Variants in SETX observed in about 807,000 individuals in gnomAD.
The protein encoded by SETX is senataxin.
Under a neutral mutation model 227.2 loss-of-function variants are expected in SETX, and 90 were observed. That is an observed-to-expected ratio of 0.40 (90% confidence interval 0.33 to 0.47). The LOEUF (loss-of-function observed/expected upper bound fraction) is 0.47. Among genes scored for constraint, SETX ranks in the 20% least tolerant of loss-of-function variants. The pLI is 0.91. For synonymous variants in SETX, 1,210 were observed against 1,113.2 expected (o/e 1.09, Z -1.73); for missense variants, 3,052 against 3,181.5 (o/e 0.96, Z 0.98).
At chr9:132,354,495 C>CAAAAAAAA (rs11316762) in intron 1 of SETX, among the ~76,000 whole-genome samples, 1 of 85,528 alleles carries the variant, frequency 1.2e-5, no homozygotes, top group African/African-American at 4.7e-5. Flanking sequence ...GACCCCGTCT[C>CAAAAAAAA]AAAAAAAAAA....
rs111699456 is a variant in SETX at position 132,299,918 on chromosome 9, G to T, written c.5548+712C>A. On this transcript the variant is annotated intron_variant, in intron 12 of 25. Coordinates refer to ENST00000224140, the MANE Select transcript of SETX (RefSeq NM_015046.7). ...AGCACTTTGGGAGGTTGATGGGGGTGAGGAGTTCGAGACCAGCCTAGTCAA... is the reference window on the plus strand; with the variant it reads ...AGCACTTTGGGAGGTTGATGGGGGTTAGGAGTTCGAGACCAGCCTAGTCAA... Among the ~76,000 whole-genome samples, 247 of 151,970 alleles carry T rather than the reference G, an allele frequency of 1.6e-3. 1 individual carries two copies. Among genetic ancestry groups the T allele is most frequent in the African/African-American group, 5.5e-3 (229 of 41,490 alleles).
At chr9:132,282,515 C>T (rs1843601486) in intron 19 of SETX, among the ~76,000 whole-genome samples, 1 of 151,970 alleles carries the variant, frequency 6.6e-6, no homozygotes, top group African/African-American at 2.4e-5. Context: ...GTCTCAAACT[C>T]CTGGGCTCAA....
chr9:132,312,307 A>C (rs3813393), intron 10 of SETX, among the ~76,000 whole-genome samples: 8,995 of 152,196 alleles, frequency 0.059, 442 homozygotes, highest in East Asian at 0.17. Flanking sequence ...TCATCCTGCC[A>C]GTTTATAAAA....
intron 11 of SETX, among the ~76,000 whole-genome samples, chr9:132,303,617 T>C (rs1268001122): frequency 1.3e-5 from 2 of 151,816 alleles, no homozygotes; most frequent in African/African-American, 4.8e-5. Flanking sequence ...TATATAAATA[T>C]AATAAATAAC....
At chr9:132,351,801 G>A (rs1414282315) in intron 2 of SETX, among the ~76,000 whole-genome samples, 1 of 152,140 alleles carries the variant, frequency 6.6e-6, no homozygotes, top group Non-Finnish European at 1.5e-5. Context: ...GGTCTATTTT[G>A]TTAGTTTCAT....
At chr9:132,351,475 T>C (rs1848599843) in intron 2 of SETX, among the ~76,000 whole-genome samples, 1 of 152,234 alleles carries the variant, frequency 6.6e-6, no homozygotes, top group South Asian at 2.1e-4. Context: ...AACTAGCCTA[T>C]TTCCACAACC....
intron 22 of SETX, 28 bp from the exon 23 acceptor site, chr9:132,275,448 G>C (rs773454907): frequency 6.3e-7 from 1 of 1,576,396 alleles, no homozygotes; most frequent in Non-Finnish European, 8.7e-7. Context: ...AGAAAACACA[G>C]TGTTATCAAA....
Position 132,275,398 on chromosome 9 carries a change from T to C in SETX, c.6958A>G (p.Ile2320Val). ...DNDSYINVQE[I>V]KLVMEIIKLI... ...TTAATTATTTCCATCACCAGTTTTATTTCTTGAACATTTATATATGAGCTA... is the reference window on the plus strand; with the variant it reads ...TTAATTATTTCCATCACCAGTTTTACTTCTTGAACATTTATATATGAGCTA... Residue 2320 changes from isoleucine to valine, a missense_variant, in exon 23 of 26, where the codon ATA (isoleucine) becomes GTA (valine). Physicochemically the swap from Ile to Val is conservative, Grantham distance 29. This residue lies in a region of SETX where 412 missense variants were observed against 589.0 expected (regional missense o/e 0.70). Transcript: ENST00000224140. The C allele has an allele frequency of 6.2e-7, 1 of 1,603,126 alleles. No individual in the cohort carries two copies. The highest frequency in any genetic ancestry group is 8.5e-7 in the Non-Finnish European group (1 of 1,170,492).
intron 10 of SETX, among the ~76,000 whole-genome samples, chr9:132,315,785 G>C (rs1342340856): frequency 1.3e-5 from 2 of 152,074 alleles, no homozygotes; most frequent in African/African-American, 2.4e-5. Flanking sequence ...TCTCCGGTTC[G>C]TGATGCAGTG....
At chr9:132,292,249 G>A (rs1360799023) in intron 15 of SETX, among the ~76,000 whole-genome samples, 2 of 151,440 alleles carry the variant, frequency 1.3e-5, no homozygotes, top group African/African-American at 4.8e-5. Context: ...GGCAACACGA[G>A]GAGACCCTGT....
In SETX at chr9:132,339,513, T is replaced by C. The variant is rs538976957; in HGVS notation, c.499-2998A>G. Among the ~76,000 whole-genome samples the C allele has an allele frequency of 3.9e-5, 6 of 152,328 alleles. No homozygotes were observed. The South Asian group carries it at 1.2e-3, about 32-fold the overall frequency. On this transcript the variant is annotated intron_variant, in intron 5 of 25. Coordinates refer to ENST00000224140, the MANE Select transcript of SETX (RefSeq NM_015046.7). ...CTAAATGCTGTACACCTCTATTTCC[T>C]GCAAAGAGTTTGAAAACTGAACCTA...
intron 25 of SETX, among the ~76,000 whole-genome samples, chr9:132,267,044 G>C (rs375040705): frequency 6.6e-6 from 1 of 152,198 alleles, no homozygotes; most frequent in African/African-American, 2.4e-5. Flanking sequence ...AAAGTCTTAA[G>C]AGTCCTTTCA....
chr9:132,334,594 G>A lies in SETX; in HGVS notation c.838+14C>T, dbSNP rs1460512065. On this transcript the variant is annotated intron_variant, in intron 7 of 25. Transcript: ENST00000224140. The stretch of plus-strand genomic sequence containing the variant: ...CACTATATTCAACAACATTCAGCAA[G>A]TAAAGTTTATTACCATCTGCTTCCC... 6.2e-7 allele frequency: 1 copy of A among 1,613,742 alleles called. No individual in the cohort carries two copies. Among genetic ancestry groups the A allele is most frequent in the Non-Finnish European group, 8.5e-7 (1 of 1,179,772 alleles).
chr9:132,351,170 C>G (rs1361659325), intron 2 of SETX, among the ~76,000 whole-genome samples: 1 of 151,990 alleles, frequency 6.6e-6, no homozygotes, highest in East Asian at 1.9e-4. Context: ...TTCCGGTAAC[C>G]TAGTTTAATA....
rs29001665 is a variant in SETX, at chr9:132,331,293, G to A, written c.994C>T (p.Arg332Trp). Residue 332 changes from arginine to tryptophan, a missense_variant, in exon 8 of 26, where the codon CGG becomes TGG. Physicochemically the swap from Arg to Trp is moderately radical, Grantham distance 101. This residue lies in a region of SETX where 239 missense variants were observed against 240.8 expected (regional missense o/e 0.99). Transcript: ENST00000224140. ...TGAACTAACCTTACAGAGCTGTTCC[G>A]TATATGTCGGATCTCTCTATTGTAG... Reference protein sequence around the residue: ...ASYNREIRHIRNSSVRTKLEP... With the variant: ...ASYNREIRHIWNSSVRTKLEP... 6 of 1,613,894 alleles carry A rather than the reference G, an allele frequency of 3.7e-6. No homozygotes were observed. The highest frequency in any genetic ancestry group is 2.7e-5 in the African/African-American group (2 of 74,892).
At chr9:132,269,834 C>T in intron 24 of SETX, 132 bp from the exon 25 acceptor site, 1 of 882,692 alleles carries the variant, frequency 1.1e-6, no homozygotes, top group Non-Finnish European at 1.9e-6. Flanking sequence ...ACTCAGTGAG[C>T]CCGAGACACA....
In SETX at chr9:132,300,754, G is replaced by A. The variant is rs1417525079; in HGVS notation, c.5424C>T (p.Asn1808=). The change falls in exon 12 of 26, where the codon AAC becomes AAT. Residue 1808 remains asparagine, a synonymous_variant. Coordinates refer to ENST00000224140, the MANE Select transcript of SETX (RefSeq NM_015046.7). The part of the protein sequence containing the change: ...ELAKQLYPKE[N]DLVFLAPERI... ...TCTCAGGAGCTAAAAACACCAAATCGTTTTCCTTTGGATAAAGCTGTTTAG... is the reference window on the plus strand; with the variant it reads ...TCTCAGGAGCTAAAAACACCAAATCATTTTCCTTTGGATAAAGCTGTTTAG... The A allele has an allele frequency of 4.3e-6, 7 of 1,613,202 alleles. No individual in the cohort carries two copies. Among genetic ancestry groups the A allele is most frequent in the East Asian group, 2.2e-5 (1 of 44,794 alleles).
chr9:132,329,080 T>C lies in SETX; in HGVS notation c.2518A>G (p.Asn840Asp). ...GVQKGDGFIHNLSLDPSGVLD... is the reference protein window; with the variant it reads ...GVQKGDGFIHDLSLDPSGVLD... ...ACACCACTAGGGTCTAAAGAAAGATTGTGTATGAAACCATCTCCTTTCTGA... is the reference window on the plus strand; with the variant it reads ...ACACCACTAGGGTCTAAAGAAAGATCGTGTATGAAACCATCTCCTTTCTGA... The change falls in exon 10 of 26, where the codon AAT becomes GAT. Residue 840 changes from asparagine (N) to aspartate (D), a missense_variant. Coordinates refer to ENST00000224140, the MANE Select transcript of SETX (RefSeq NM_015046.7). 6.2e-7 allele frequency: 1 copy of C among 1,610,426 alleles called. No homozygotes were observed. Among genetic ancestry groups the C allele is most frequent in the Non-Finnish European group, 8.5e-7 (1 of 1,179,434 alleles).
intron 6 of SETX, 112 bp downstream of exon 6, chr9:132,336,184 G>A (rs1170074759): frequency 4.1e-5 from 35 of 856,420 alleles, no homozygotes; most frequent in Middle Eastern, 3.2e-4. Flanking sequence ...TGGAGCTTGC[G>A]GTGAGTGGAG....
Sources: allele counts gnomAD v4.1 joint callset (sites outside exome capture counted in the v4.1 genomes callset), GRCh38; gene constraint gnomAD v4.1.1; regional missense constraint gnomAD v4.1.1; transcripts MANE v1.5; gene names NCBI Gene and HGNC (gene_info 2026-07-23, HGNC 2026-07-21).